The following MDM2 variants were observed in gnomAD, a reference collection of about 807,000 sequenced individuals.
MDM2 encodes E3 ubiquitin-protein ligase Mdm2.
In MDM2, 11 loss-of-function variants were observed where a neutral mutation model predicts 64.3. The observed-to-expected ratio is 0.17, with a 90% confidence interval of 0.11 to 0.28. The LOEUF (loss-of-function observed/expected upper bound fraction) is 0.28. Among genes scored for constraint, MDM2 ranks in the 10% least tolerant of loss-of-function variants. The pLI, the probability that MDM2 is intolerant of heterozygous loss-of-function variation, is 1.00. For synonymous variants in MDM2, 194 were observed against 192.9 expected, an observed-to-expected ratio of 1.01 and a Z score of -0.05; for missense variants, 388 against 577.1, an observed-to-expected ratio of 0.67 and a Z score of 3.36.
At chr12:68,835,772 A>G in intron 8 of MDM2, 57 bp from the exon 9 acceptor site, 2 of 1,517,944 alleles carry the variant, frequency 1.3e-6, no homozygotes, top group Non-Finnish European at 1.8e-6. Context: ...GTTAGGAAAC[A>G]GATACAGAGG....
chr12:68,826,975 G>A lies in MDM2; in HGVS notation c.524-1796G>A, dbSNP rs376644100. 4.6e-5 allele frequency among the ~76,000 whole-genome samples: 7 copies of A among 152,222 alleles called. No homozygotes were observed. In the South Asian group the frequency reaches 1.5e-3, roughly 32 times the overall value. ...GAGGATCACGAGGTCAGGAGATTGA[G>A]ACCATCCTGGCTAACACGGTGAAAC... On this transcript the variant is annotated intron_variant, in intron 7 of 10. Transcript: ENST00000258149.
chr12:68,827,870 C>T (rs1882469250), intron 7 of MDM2, among the ~76,000 whole-genome samples: 1 of 152,208 alleles, frequency 6.6e-6, no homozygotes. Flanking sequence ...GTGGCTTAGG[C>T]CTGTAATCCC....
rs1387632313 is a variant in MDM2 at position 68,845,451 on chromosome 12, T to C, written c.*5602T>C. Reference sequence around the variant, plus strand: ...GCAAGCAGATGGGAGGCGTGTTCAGTAACTTATTCATAATGCATCTGAAAT... The same window carrying C: ...GCAAGCAGATGGGAGGCGTGTTCAGCAACTTATTCATAATGCATCTGAAAT... On this transcript the variant is annotated 3_prime_UTR_variant, in exon 11 of 11. Coordinates refer to ENST00000258149, the MANE Select transcript of MDM2 (RefSeq NM_002392.6). 4.8e-6 allele frequency: 1 copy of C among 208,366 alleles called. No individual in the cohort carries two copies. The highest frequency in any genetic ancestry group is 7.3e-5 in the East Asian group (1 of 13,674). The allele number at this position is 208,366 out of a possible 1,614,324, so 12.9% of individuals were successfully genotyped here.
In MDM2 at chr12:68,808,189, A is replaced by G; in HGVS notation, c.-289A>G. The G allele has an allele frequency of 5.9e-6, 3 of 512,280 alleles. No individual in the cohort carries two copies. The East Asian group carries it at 1.1e-4, about 18-fold the overall frequency. 31.7% of individuals were successfully genotyped at this position (512,280 alleles called of 1,614,324 possible). Reference sequence around the variant, plus strand: ...CTCGGGCGGTAGGGGGCGCGCACCGAGGCACCGCGGCGAGCTTGGCTGCTT... The same window carrying G: ...CTCGGGCGGTAGGGGGCGCGCACCGGGGCACCGCGGCGAGCTTGGCTGCTT... On this transcript the variant is annotated 5_prime_UTR_variant, in exon 1 of 11. Transcript: ENST00000258149.
rs761179153 is a variant in MDM2 at position 68,841,397 on chromosome 12, G to A, written c.*1548G>A. ...ATTACAGGCGTTAGCCACCACACCC[G>A]GCTGTAAAAATGTACTTATTCTCCA... On this transcript the variant is annotated 3_prime_UTR_variant, in exon 11 of 11. Coordinates refer to ENST00000258149, the MANE Select transcript of MDM2 (RefSeq NM_002392.6). The A allele has an allele frequency of 6.7e-5, 14 of 207,884 alleles. No individual in the cohort carries two copies. The highest frequency in any genetic ancestry group is 1.2e-4 in the Admixed American group (2 of 16,888). The allele number at this position is 207,884 out of a possible 1,614,324, so 12.9% of individuals were successfully genotyped here.
intron 7 of MDM2, among the ~76,000 whole-genome samples, chr12:68,827,083 C>A (rs1339168499): frequency 6.6e-6 from 1 of 152,118 alleles, no homozygotes; most frequent in African/African-American, 2.4e-5. Flanking sequence ...GAGGCTGAGG[C>A]AGGAGAATTG....
chr12:68,813,548 T>C lies in MDM2; in HGVS notation c.100-6T>C. 6.2e-7 allele frequency: 1 copy of C among 1,608,606 alleles called. No individual in the cohort carries two copies. Among genetic ancestry groups the C allele is most frequent in the Non-Finnish European group, 8.5e-7 (1 of 1,175,712 alleles). ...AAGTATAATAGCAGTTCTTTTCTCT[T>C]TATAGGTTAGACCAAAGCCATTGCT... is the stretch of plus-strand genomic sequence containing the variant. On this transcript the variant is annotated splice_region_variant and splice_polypyrimidine_tract_variant and intron_variant, in intron 2 of 10. Coordinates refer to ENST00000258149, the MANE Select transcript of MDM2 (RefSeq NM_002392.6).
Position 68,840,621 on chromosome 12 carries a change from TCAGCCTCTGGAG to T in MDM2, c.*777_*788del, listed in dbSNP as rs1883686406. 5.6e-6 allele frequency: 1 copy of T among 179,040 alleles called. No individual in the cohort carries two copies. Among genetic ancestry groups the T allele is most frequent in the East Asian group, 9.3e-5 (1 of 10,736 alleles). 11.1% of individuals were successfully genotyped at this position (179,040 alleles called of 1,614,324 possible). ...CCCGGGTTCAAGCCATTCTCCTGGC[TCAGCCTCTGGAG>T]CAGCTGGGATTACAGGCATGCACCA... On this transcript the variant is annotated 3_prime_UTR_variant, in exon 11 of 11. Transcript: ENST00000258149.
Position 68,839,344 on chromosome 12 carries a change from C to T in MDM2, c.989C>T (p.Ala330Val), listed in dbSNP as rs2136177241. The T allele has an allele frequency of 1.2e-6, 2 of 1,613,778 alleles. No homozygotes were observed. Among genetic ancestry groups the T allele is most frequent in the Non-Finnish European group, 1.7e-6 (2 of 1,179,990 alleles). The change falls in exon 11 of 11, where the codon GCC becomes GTC. Residue 330 changes from alanine to valine, a missense_variant. Around this residue, in one of 5 missense-constraint regions of MDM2, gnomAD observed 138 missense variants for 143.7 expected, o/e 0.96. Transcript: ENST00000258149. ...CCATCACATTGCAACAGATGTTGGG[C>T]CCTTCGTGAGAATTGGCTTCCTGAA... is the stretch of plus-strand genomic sequence containing the variant. ...PLPSHCNRCW[A>V]LRENWLPEDK...
chr12:68,842,000 T>C lies in MDM2; in HGVS notation c.*2151T>C, dbSNP rs1883808385. The C allele has an allele frequency of 2.5e-6, 1 of 400,802 alleles. No individual in the cohort carries two copies. Among genetic ancestry groups the C allele is most frequent in the South Asian group, 2.4e-5 (1 of 42,158 alleles). The allele number at this position is 400,802 out of a possible 1,614,324, so 24.8% of individuals were successfully genotyped here. ...GTTCATCTGCAGCTGTTGCAAGGTG[T>C]TCAGATTGTATAAACATAAATGTCA... On this transcript the variant is annotated 3_prime_UTR_variant, in exon 11 of 11. Transcript: ENST00000258149.
At chr12:68,817,559 G>C (rs1795472) in intron 4 of MDM2, among the ~76,000 whole-genome samples, 47,663 of 151,662 alleles carry the variant, frequency 0.31, 8,770 homozygotes, top group Non-Finnish European at 0.42. Context: ...AGACCAGCCT[G>C]ACCAACATGG....
downstream of MDM2, chr12:68,847,051 A>G (rs1243080007): frequency 6.7e-6 from 1 of 149,956 alleles, no homozygotes; most frequent in Non-Finnish European, 1.5e-5. Context: ...AGTGGCGCAA[A>G]CATGACTCAC....
chr12:68,822,996 C>T (rs908240004), intron 5 of MDM2, among the ~76,000 whole-genome samples: 3 of 152,180 alleles, frequency 2.0e-5, no homozygotes, highest in African/African-American at 7.2e-5. Flanking sequence ...CCACCTTGGC[C>T]TCCCAAAGTG....
intron 5 of MDM2, among the ~76,000 whole-genome samples, chr12:68,823,563 GC>G (rs1882049143): frequency 2.0e-5 from 3 of 152,080 alleles, no homozygotes; most frequent in Non-Finnish European, 4.4e-5. Flanking sequence ...TGTTTTCCAT[GC>G]CTTAGTTTAG....
At chr12:68,833,334 A>AATATAT (rs1292389255) in intron 8 of MDM2, among the ~76,000 whole-genome samples, 1 of 54,654 alleles carries the variant, frequency 1.8e-5, no homozygotes, top group Admixed American at 1.5e-4. Flanking sequence ...TAAATATAAA[A>AATATAT]ATATATATTT....
rs3832817 is a variant in MDM2 at position 68,845,203 on chromosome 12, TATAAAA to T, written c.*5356_*5361del. ...CTGAATTACATTTTGATTTGATACT[TATAAAA>T]AGAAAAAGTATTTCTTCAGCTTAAA... is the stretch of plus-strand genomic sequence containing the variant. On this transcript the variant is annotated 3_prime_UTR_variant, in exon 11 of 11. Transcript: ENST00000258149. The T allele has an allele frequency of 0.33, 71,501 of 217,352 alleles. 13,023 individuals are homozygous for T. The highest frequency in any genetic ancestry group is 0.41 in the Non-Finnish European group (45,394 of 110,144). The allele number at this position is 217,352 out of a possible 1,614,324, so 13.5% of individuals were successfully genotyped here. A position where few individuals can be genotyped will look rare whatever the true frequency, so the allele number is the denominator to read the frequency against.
chr12:68,840,090 A>C lies in MDM2; in HGVS notation c.*241A>C. The C allele has an allele frequency of 2.2e-6, 1 of 450,122 alleles. No homozygotes were observed. Among genetic ancestry groups the C allele is most frequent in the Non-Finnish European group, 3.9e-6 (1 of 257,622 alleles). 27.9% of individuals were successfully genotyped at this position (450,122 alleles called of 1,614,324 possible). Reference sequence around the variant, plus strand: ...TTTTAAATAATTTCTACTCTGTCTTAAATGAGAAGTACTTGGTTTTTTTTT... The same window carrying C: ...TTTTAAATAATTTCTACTCTGTCTTCAATGAGAAGTACTTGGTTTTTTTTT... On this transcript the variant is annotated 3_prime_UTR_variant, in exon 11 of 11. Coordinates refer to ENST00000258149, the MANE Select transcript of MDM2 (RefSeq NM_002392.6).
At position 68,808,261 on chromosome 12, in the gene MDM2, C is replaced by G. The variant is rs912981128; in HGVS notation, c.-217C>G. 5.0e-6 allele frequency: 3 copies of G among 604,232 alleles called. No individual in the cohort carries two copies. The highest frequency in any genetic ancestry group is 3.9e-5 in the South Asian group (2 of 51,578). 37.4% of individuals were successfully genotyped at this position (604,232 alleles called of 1,614,324 possible). On this transcript the variant is annotated 5_prime_UTR_variant, in exon 1 of 11. Transcript: ENST00000258149. ...GTGTCGGAAAGATGGAGCAAGAAGC[C>G]GAGCCCGAGGGGCGGCCGCGACCCC... is the stretch of plus-strand genomic sequence containing the variant.
intron 7 of MDM2, among the ~76,000 whole-genome samples, chr12:68,825,545 C>T (rs182428452): frequency 5.4e-4 from 82 of 152,080 alleles, no homozygotes; most frequent in African/African-American, 1.7e-3. Context: ...CCCAGCTACT[C>T]GGGAGGCTGA....
Sources: allele counts gnomAD v4.1 joint callset (sites outside exome capture counted in the v4.1 genomes callset), GRCh38; gene constraint gnomAD v4.1.1; regional missense constraint gnomAD v4.1.1; transcripts MANE v1.5; gene names NCBI Gene and HGNC (gene_info 2026-07-23, HGNC 2026-07-21).